Variants in SSBP2 observed in about 807,000 individuals in gnomAD.
SSBP2 encodes single-stranded DNA-binding protein 2.
SSBP2 carries 17 observed loss-of-function variants against 61.8 expected under a neutral mutation model. That is an observed-to-expected ratio of 0.28 (90% confidence interval 0.19 to 0.41). The LOEUF is 0.41. SSBP2 is among the 10% of genes least tolerant of loss of function. The probability of loss-of-function intolerance (pLI) is 1.00; values close to 1 mark genes in which losing one functional copy is unlikely to be tolerated. For synonymous variants in SSBP2, 139 were observed against 141.3 expected (o/e 0.98, Z 0.12); for missense variants, 310 against 458.7 (o/e 0.68, Z 2.96).
At chr5:81,429,116 TC>T (rs1233436844) in intron 15 of SSBP2, among the ~76,000 whole-genome samples, 3 of 152,196 alleles carry the variant, frequency 2.0e-5, no homozygotes, top group African/African-American at 7.2e-5. Flanking sequence ...AATAAACATT[TC>T]CTTTTAATTC....
Position 81,595,709 on chromosome 5 carries a change from T to A in SSBP2, c.282+19764A>T, listed in dbSNP as rs542808627. Among the ~76,000 whole-genome samples the A allele has an allele frequency of 6.2e-3, 939 of 152,222 alleles. 8 individuals carry two copies. Among genetic ancestry groups the A allele is most frequent in the African/African-American group, 0.021 (887 of 41,534 alleles). ...AACATATGCAAATCAATAAATGTAATCCAGCATATAAACAGAACCAAAGAC... is the reference window on the plus strand; with the variant it reads ...AACATATGCAAATCAATAAATGTAAACCAGCATATAAACAGAACCAAAGAC... On this transcript the variant is annotated intron_variant, in intron 4 of 16. Transcript: ENST00000320672.
intron 13 of SSBP2, among the ~76,000 whole-genome samples, chr5:81,441,320 A>G (rs892913078): frequency 6.6e-6 from 1 of 152,176 alleles, no homozygotes; most frequent in Non-Finnish European, 1.5e-5. Flanking sequence ...CAGGTGTGCT[A>G]TGATGGGGTT....
intron 1 of SSBP2, among the ~76,000 whole-genome samples, chr5:81,747,818 C>T (rs563017451): frequency 1.7e-3 from 257 of 152,082 alleles, no homozygotes; most frequent in Non-Finnish European, 3.1e-3. Context: ...ATCACAATTG[C>T]GATTAGTGTT....
chr5:81,687,075 G>C (rs750869363), intron 1 of SSBP2, among the ~76,000 whole-genome samples: 1 of 152,022 alleles, frequency 6.6e-6, no homozygotes, highest in Admixed American at 6.6e-5. Flanking sequence ...TTTTAACTTC[G>C]GATCACTGAA....
At chr5:81,505,724 C>A (rs1768133134) in intron 5 of SSBP2, among the ~76,000 whole-genome samples, 1 of 152,088 alleles carries the variant, frequency 6.6e-6, no homozygotes, top group Non-Finnish European at 1.5e-5. Flanking sequence ...TGATTTTAAA[C>A]TATGATGCTT....
chr5:81,717,561 G>A (rs780321899), intron 1 of SSBP2, among the ~76,000 whole-genome samples: 8 of 151,938 alleles, frequency 5.3e-5, no homozygotes, highest in Non-Finnish European at 1.2e-4. Context: ...AGACCCCAGG[G>A]ATCAAATATA....
At chr5:81,600,215 T>C (rs982912527) in intron 4 of SSBP2, among the ~76,000 whole-genome samples, 2 of 152,156 alleles carry the variant, frequency 1.3e-5, no homozygotes, top group African/African-American at 2.4e-5. Context: ...GGATCACAAA[T>C]AATGCATACA....
chr5:81,437,092 C>T (rs1762719785), intron 15 of SSBP2, among the ~76,000 whole-genome samples: 1 of 151,700 alleles, frequency 6.6e-6, no homozygotes, highest in Non-Finnish European at 1.5e-5. Context: ...GACATCTTTA[C>T]ATTTTCAAAA....
In SSBP2 at chr5:81,735,722, G is replaced by T. The variant is rs145702879; in HGVS notation, c.62+15259C>A. ...TAAATAATAAGATAATTTTAATAAA[G>T]AATTCATGCTTTACAAATGATAACT... On this transcript the variant is annotated intron_variant, in intron 1 of 16. Transcript: ENST00000320672. 4.6e-5 allele frequency among the ~76,000 whole-genome samples: 7 copies of T among 152,080 alleles called. No individual in the cohort carries two copies. In the East Asian group the frequency reaches 1.4e-3, roughly 29 times the overall value.
intron 11 of SSBP2, chr5:81,448,021 G>A (rs960171215): frequency 1.3e-5 from 2 of 152,130 alleles, no homozygotes; most frequent in Middle Eastern, 3.4e-3. Flanking sequence ...CTTCTTATGC[G>A]TTCTTTTTTT....
chr5:81,589,792 C>G (rs569733870), intron 4 of SSBP2, among the ~76,000 whole-genome samples: 1 of 152,086 alleles, frequency 6.6e-6, no homozygotes, highest in African/African-American at 2.4e-5. Context: ...AATTGAGAGG[C>G]TATATCTGGT....
At chr5:81,692,439 A>C (rs1244700628) in intron 1 of SSBP2, among the ~76,000 whole-genome samples, 3 of 152,238 alleles carry the variant, frequency 2.0e-5, no homozygotes, top group Non-Finnish European at 2.9e-5. Context: ...TACCCAAAGC[A>C]ATCTACAGAT....
At chr5:81,524,008 G>T (rs1308346124) in intron 4 of SSBP2, among the ~76,000 whole-genome samples, 8 of 152,026 alleles carry the variant, frequency 5.3e-5, no homozygotes, top group Non-Finnish European at 1.2e-4. Context: ...TCCAATAAAT[G>T]ATTTAATTCA....
At chr5:81,613,181 T>C (rs1745625247) in intron 4 of SSBP2, among the ~76,000 whole-genome samples, 1 of 152,090 alleles carries the variant, frequency 6.6e-6, no homozygotes, top group African/African-American at 2.4e-5. Context: ...ATAAATCAAA[T>C]CTCTTAAAAC....
At chr5:81,696,944 G>A (rs1753644900) in intron 1 of SSBP2, among the ~76,000 whole-genome samples, 1 of 152,114 alleles carries the variant, frequency 6.6e-6, no homozygotes, top group Non-Finnish European at 1.5e-5. Context: ...ATGGAGGTTG[G>A]GCACAGGGAG....
chr5:81,574,539 C>T (rs898035492), intron 4 of SSBP2, among the ~76,000 whole-genome samples: 9 of 151,774 alleles, frequency 5.9e-5, no homozygotes, highest in African/African-American at 2.2e-4. Context: ...TGAAAACTTT[C>T]CAAACTGATT....
intron 8 of SSBP2, among the ~76,000 whole-genome samples, chr5:81,471,602 T>C (rs1765249257): frequency 6.6e-6 from 1 of 152,026 alleles, no homozygotes; most frequent in South Asian, 2.1e-4. Flanking sequence ...TTATTATTAA[T>C]AGCTTAATGA....
chr5:81,667,395 G>A (rs1053687584), intron 1 of SSBP2, among the ~76,000 whole-genome samples: 1 of 151,218 alleles, frequency 6.6e-6, no homozygotes, highest in African/African-American at 2.4e-5. Flanking sequence ...GCTCCCACAG[G>A]GCTGGAAAAC....
chr5:81,630,344 G>T (rs1164126456), intron 3 of SSBP2, among the ~76,000 whole-genome samples: 4 of 152,122 alleles, frequency 2.6e-5, no homozygotes, highest in African/African-American at 9.7e-5. Flanking sequence ...CATGGTAATG[G>T]CTAGCGAAAC....
Sources: allele counts gnomAD v4.1 joint callset (sites outside exome capture counted in the v4.1 genomes callset), GRCh38; gene constraint gnomAD v4.1.1; transcripts MANE v1.5; gene names NCBI Gene and HGNC (gene_info 2026-07-23, HGNC 2026-07-21).